Variants in FOXP2 observed in about 807,000 individuals in gnomAD.
The protein encoded by FOXP2 is forkhead box protein P2.
Under a neutral mutation model 115.8 loss-of-function variants are expected in FOXP2, and 12 were observed. That is an observed-to-expected ratio of 0.10 (90% CI 0.07 to 0.17). The LOEUF is 0.17. Ranked by LOEUF, FOXP2 falls within the 10% of genes least tolerant of loss-of-function variation. The pLI is 1.00. For synonymous variants in FOXP2, 328 were observed against 297.7 expected (o/e 1.10, Z -1.05); for missense variants, 629 against 843.5 (o/e 0.75, Z 3.15).
intron 5 of FOXP2, 88 bp from the exon 6 acceptor site, chr7:114,631,440 A>G: frequency 1.3e-6 from 2 of 1,542,930 alleles, no homozygotes; most frequent in Non-Finnish European, 8.7e-7. Context: ...CACTCAGGCA[A>G]TGAAAGGAGT....
At chr7:114,298,901 T>C (rs1796813775) in intron 2 of FOXP2, among the ~76,000 whole-genome samples, 1 of 152,186 alleles carries the variant, frequency 6.6e-6, no homozygotes. Context: ...TACTTTCAAA[T>C]AGAGGCACGT....
chr7:114,534,789 A>G (rs1799299966), intron 3 of FOXP2, 83 bp downstream of exon 3: 1 of 1,017,360 alleles, frequency 9.8e-7, no homozygotes, highest in Non-Finnish European at 1.6e-6. Context: ...ACTTGTATAT[A>G]TACAGGAAAT....
intron 1 of FOXP2, among the ~76,000 whole-genome samples, chr7:114,147,074 T>C (rs773659268): frequency 6.6e-6 from 1 of 152,210 alleles, no homozygotes; most frequent in East Asian, 1.9e-4. Context: ...GGTAGAATAG[T>C]ATAGAGAAAA....
chr7:114,684,213 C>T (rs1808239422), intron 16 of FOXP2, among the ~76,000 whole-genome samples: 2 of 152,032 alleles, frequency 1.3e-5, no homozygotes, highest in Non-Finnish European at 2.9e-5. Flanking sequence ...GAGATTTTTC[C>T]ACGAGGTTCT....
intron 2 of FOXP2, among the ~76,000 whole-genome samples, chr7:114,352,454 G>A (rs1383050221): frequency 6.6e-6 from 1 of 152,144 alleles, no homozygotes; most frequent in Non-Finnish European, 1.5e-5. Context: ...ATAAATTCCT[G>A]TATAAATATA....
chr7:114,212,119 T>TAAAATAA lies in FOXP2; in HGVS notation c.-102+49037_-102+49038insAAAAATA, dbSNP rs1554431721. Among the ~76,000 whole-genome samples the TAAAATAA allele has an allele frequency of 3.9e-3, 191 of 48,368 alleles. 3 individuals carry two copies. The highest frequency in any genetic ancestry group is 0.021 in the Middle Eastern group (1 of 48). 31.7% of individuals were successfully genotyped at this position (48,368 alleles called of 152,430 possible). ...TAAAATAAAATAAAATAAAATAAAA[T>TAAAATAA]AAAATATATATATATATTCTTTGTT... On this transcript the variant is annotated intron_variant, in intron 1 of 17. Transcript: ENST00000634411.
At chr7:114,418,195 A>T (rs1277636787) in intron 1 of FOXP2, among the ~76,000 whole-genome samples, 1 of 151,960 alleles carries the variant, frequency 6.6e-6, no homozygotes, top group East Asian at 1.9e-4. Flanking sequence ...TTATGTCCTA[A>T]TTGGTTACAT....
rs558103636 is a variant in FOXP2, at chr7:114,559,701, T to TC, written c.258+24995_258+24996insC. 9.3e-5 allele frequency among the ~76,000 whole-genome samples: 14 copies of TC among 149,892 alleles called. No homozygotes were observed. In the South Asian group the frequency reaches 3.0e-3, roughly 32 times the overall value. On this transcript the variant is annotated intron_variant, in intron 3 of 16. Coordinates refer to ENST00000350908, the MANE Select transcript of FOXP2 (RefSeq NM_014491.4). ...ATCGAGACCATACTGGCTAACACGG[T>TC]GAAACCCCGTCTCTACTAAAAAAAA...
At chr7:114,435,475 T>C in intron 2 of FOXP2, among the ~76,000 whole-genome samples, 1 of 152,038 alleles carries the variant, frequency 6.6e-6, no homozygotes, top group East Asian at 1.9e-4. Flanking sequence ...GGAGATGAGG[T>C]TGGAATAGGT....
At chr7:114,424,785 A>G (rs1198927951) in intron 1 of FOXP2, among the ~76,000 whole-genome samples, 1 of 151,478 alleles carries the variant, frequency 6.6e-6, no homozygotes, top group Non-Finnish European at 1.5e-5. Flanking sequence ...TACAGCAATT[A>G]TTTCCTTTCT....
At chr7:114,559,300 G>A (rs965346606) in intron 3 of FOXP2, among the ~76,000 whole-genome samples, 10 of 152,084 alleles carry the variant, frequency 6.6e-5, no homozygotes, top group African/African-American at 1.9e-4. Flanking sequence ...CAGTGAACAG[G>A]TGTAGATCTT....
At chr7:114,209,578 C>A (rs1188984078) in intron 1 of FOXP2, among the ~76,000 whole-genome samples, 1 of 152,108 alleles carries the variant, frequency 6.6e-6, no homozygotes, top group Non-Finnish European at 1.5e-5. Context: ...CTGCCCGTAA[C>A]ATTTTTTCTT....
chr7:114,610,645 C>T (rs1192767713), intron 3 of FOXP2, among the ~76,000 whole-genome samples: 2 of 151,800 alleles, frequency 1.3e-5, no homozygotes, highest in Non-Finnish European at 2.9e-5. Flanking sequence ...GAAAGACGCC[C>T]AGTAACTGCT....
chr7:114,183,659 T>C (rs1793515148), intron 1 of FOXP2, among the ~76,000 whole-genome samples: 2 of 152,210 alleles, frequency 1.3e-5, no homozygotes, highest in Non-Finnish European at 2.9e-5. Flanking sequence ...ATTCACATTA[T>C]TAAGTTTCTT....
intron 1 of FOXP2, among the ~76,000 whole-genome samples, chr7:114,271,086 T>C (rs1343349324): frequency 6.6e-6 from 1 of 151,954 alleles, no homozygotes; most frequent in East Asian, 1.9e-4. Flanking sequence ...ATTATGTAGG[T>C]CTATTTCTAG....
chr7:114,534,722 C>T lies in FOXP2; in HGVS notation c.258+16C>T. The stretch of plus-strand genomic sequence containing the variant: ...ACCACTGCAGGTTAGTAAAGCACTC[C>T]TGTCCTTGGGGTCTTATTTTAAAAG... On this transcript the variant is annotated intron_variant, in intron 3 of 16. Transcript: ENST00000350908. 6.3e-7 allele frequency: 1 copy of T among 1,595,214 alleles called. No homozygotes were observed. Among genetic ancestry groups the T allele is most frequent in the Non-Finnish European group, 8.6e-7 (1 of 1,163,390 alleles).
At chr7:114,579,136 A>G (rs1292403315) in intron 3 of FOXP2, among the ~76,000 whole-genome samples, 1 of 152,160 alleles carries the variant, frequency 6.6e-6, no homozygotes, top group Non-Finnish European at 1.5e-5. Flanking sequence ...TCAGATAAAT[A>G]TGTATTAACA....
At chr7:114,532,768 A>G (rs1434366497) in intron 2 of FOXP2, among the ~76,000 whole-genome samples, 3 of 151,876 alleles carry the variant, frequency 2.0e-5, no homozygotes, top group East Asian at 3.9e-4. Context: ...TCGAAAAGAA[A>G]AAAAAACTAC....
At chr7:114,168,346 C>T (rs539187558) in intron 1 of FOXP2, among the ~76,000 whole-genome samples, 57 of 152,162 alleles carry the variant, frequency 3.7e-4, no homozygotes, top group African/African-American at 1.0e-3. Flanking sequence ...GCAATATGGA[C>T]GATAAAGTCT....
Sources: gnomAD v4.1 joint callset for allele counts (sites outside exome capture counted in the v4.1 genomes callset) on GRCh38, gnomAD v4.1.1 for gene constraint, MANE v1.5 for transcripts, NCBI Gene and HGNC (gene_info 2026-07-23, HGNC 2026-07-21) for gene names.